SUGCT: variants seen among roughly 807,000 people sequenced by gnomAD.
The protein encoded by SUGCT is succinyl-CoA:glutarate-CoA transferase, also known as succinyl-CoA:glutarate CoA-transferase.
A neutral mutation model predicts 55.0 loss-of-function variants in SUGCT; 41 were observed. That is an observed-to-expected ratio of 0.74 (90% confidence interval 0.58 to 0.97). The LOEUF is 0.97. SUGCT is among the 50% of genes least tolerant of loss of function. The pLI is 0.00. For missense variants in SUGCT, 568 were observed against 547.8 expected (o/e 1.04, Z -0.37); for synonymous variants, 187 against 200.4 (o/e 0.93, Z 0.56).
Position 40,237,582 on chromosome 7 carries a change from T to G in SUGCT, c.485-53T>G, listed in dbSNP as rs867177095. The G allele has an allele frequency of 2.3e-5, 31 of 1,320,004 alleles. No homozygotes were observed. In the Middle Eastern group the frequency reaches 7.2e-4, roughly 31 times the overall value. 81.8% of individuals were successfully genotyped at this position (1,320,004 alleles called of 1,614,324 possible). A position where few individuals can be genotyped will look rare whatever the true frequency, so the allele number is the denominator to read the frequency against. ...GTTTCTAACACACTATATTGTACAG[T>G]GGTTTTAGCACACCCTGTGTGGTGC... On this transcript the variant is annotated intron_variant, in intron 6 of 13. Coordinates refer to ENST00000335693, the MANE Select transcript of SUGCT (RefSeq NM_001193313.2).
intron 9 of SUGCT, among the ~76,000 whole-genome samples, chr7:40,431,699 G>A (rs977825352): frequency 1.5e-4 from 23 of 152,002 alleles, no homozygotes; most frequent in African/African-American, 5.1e-4. Context: ...TCATGTTATT[G>A]TAAATGGTGT....
At chr7:40,934,537 T>C in the SUGCT span, among the ~76,000 whole-genome samples, 2 of 152,242 alleles carry the variant, frequency 1.3e-5, no homozygotes, top group Admixed American at 1.3e-4. Flanking sequence ...AGCTATGCCC[T>C]GCTCACAGAG....
chr7:40,974,062 A>G, the SUGCT span, among the ~76,000 whole-genome samples: 1 of 152,238 alleles, frequency 6.6e-6, no homozygotes, highest in Non-Finnish European at 1.5e-5. Flanking sequence ...AATTCTGGCT[A>G]CTGCATTCTC....
chr7:40,211,943 G>T (rs1787362465), intron 6 of SUGCT, among the ~76,000 whole-genome samples: 1 of 151,978 alleles, frequency 6.6e-6, no homozygotes, highest in Non-Finnish European at 1.5e-5. Flanking sequence ...TATCCTCAGG[G>T]CCTAGATTTT....
chr7:40,574,161 T>G (rs1187327546), intron 12 of SUGCT, among the ~76,000 whole-genome samples: 1 of 152,124 alleles, frequency 6.6e-6, no homozygotes, highest in African/African-American at 2.4e-5. Flanking sequence ...CCCTGGATAC[T>G]CACCTCCCCT....
At chr7:40,953,856 G>T in the SUGCT span, among the ~76,000 whole-genome samples, 1 of 152,246 alleles carries the variant, frequency 6.6e-6, no homozygotes, top group African/African-American at 2.4e-5. Flanking sequence ...GTATCAGTCT[G>T]CCCCTATTGG....
intron 12 of SUGCT, among the ~76,000 whole-genome samples, chr7:40,710,834 G>C (rs1390395583): frequency 1.3e-5 from 2 of 152,028 alleles, no homozygotes; most frequent in African/African-American, 2.4e-5. Context: ...ATTACCTTGA[G>C]GAGTTTTTAT....
intron 9 of SUGCT, among the ~76,000 whole-genome samples, chr7:40,397,450 T>C (rs899474835): frequency 1.3e-5 from 2 of 152,178 alleles, no homozygotes. Flanking sequence ...TTTTAGTTAT[T>C]TGTGACTTCG....
the SUGCT span, among the ~76,000 whole-genome samples, chr7:40,991,868 G>A: frequency 3.9e-5 from 6 of 152,084 alleles, no homozygotes; most frequent in African/African-American, 1.4e-4. Context: ...GAAGATGGAA[G>A]CTGAGTTTTC....
chr7:40,750,588 TG>T (rs1289438232), intron 13 of SUGCT, among the ~76,000 whole-genome samples: 1 of 152,198 alleles, frequency 6.6e-6, no homozygotes, highest in Non-Finnish European at 1.5e-5. Context: ...ATCTAAGATT[TG>T]GGATCAGCTT....
At chr7:40,976,166 A>C in the SUGCT span, among the ~76,000 whole-genome samples, 3 of 152,292 alleles carry the variant, frequency 2.0e-5, no homozygotes, top group Non-Finnish European at 4.4e-5. Context: ...GGGAGCCATG[A>C]GGTGGGTCTA....
intron 9 of SUGCT, among the ~76,000 whole-genome samples, chr7:40,403,375 A>G (rs1399779773): frequency 1.3e-5 from 2 of 152,186 alleles, no homozygotes; most frequent in East Asian, 3.9e-4. Context: ...TATTTTATCC[A>G]AAACACATTT....
At chr7:40,927,039 T>A in the SUGCT span, among the ~76,000 whole-genome samples, 1 of 152,142 alleles carries the variant, frequency 6.6e-6, no homozygotes, top group Non-Finnish European at 1.5e-5. Context: ...GTTCAAAATC[T>A]CAATATGGGA....
rs1289517812 is a variant in SUGCT at position 40,802,608 on chromosome 7, C to G, written c.1153+53111C>G. Among the ~76,000 whole-genome samples, 15 of 152,258 alleles carry G rather than the reference C, an allele frequency of 9.9e-5. No homozygotes were observed. The East Asian group carries it at 2.9e-3, about 29-fold the overall frequency. On this transcript the variant is annotated intron_variant, in intron 13 of 13. Coordinates refer to ENST00000335693, the MANE Select transcript of SUGCT (RefSeq NM_001193313.2). ...AGTAGTGAGCGGTAGAACTGAAACC[C>G]AATGGAGATGGAAGAGGACAACCCA... is the stretch of plus-strand genomic sequence containing the variant.
Position 40,188,451 on chromosome 7 carries a change from A to AC in SUGCT, c.227-44_227-43insC, listed in dbSNP as rs773160108. 69 of 1,350,424 alleles carry AC rather than the reference A, an allele frequency of 5.1e-5. No homozygotes were observed. In the South Asian group the frequency reaches 6.6e-4, roughly 13 times the overall value. 83.7% of individuals were successfully genotyped at this position (1,350,424 alleles called of 1,614,324 possible). A position where few individuals can be genotyped will look rare whatever the true frequency, so the allele number is the denominator to read the frequency against. On this transcript the variant is annotated intron_variant, in intron 3 of 13. Transcript: ENST00000335693. ...TCCATCTCCAAAAAAAAAAAAAAAA[A>AC]AAAACAAACCCCAAAGATTAATAGC... is the stretch of plus-strand genomic sequence containing the variant.
At chr7:40,978,063 T>C in the SUGCT span, among the ~76,000 whole-genome samples, 1 of 152,174 alleles carries the variant, frequency 6.6e-6, no homozygotes, top group Admixed American at 6.5e-5. Context: ...CTGCAGTGTC[T>C]TTGTGTGAAT....
chr7:41,025,400 C>T, the SUGCT span, among the ~76,000 whole-genome samples: 18 of 149,890 alleles, frequency 1.2e-4, no homozygotes, highest in East Asian at 5.9e-4. Flanking sequence ...GACGTAGTTT[C>T]GCTCTGTCAC....
chr7:40,428,879 G>A (rs969764448), intron 9 of SUGCT, among the ~76,000 whole-genome samples: 1 of 151,986 alleles, frequency 6.6e-6, no homozygotes, highest in Non-Finnish European at 1.5e-5. Flanking sequence ...CTTTTACCTT[G>A]GTGGACTCCA....
intron 9 of SUGCT, among the ~76,000 whole-genome samples, chr7:40,385,210 G>T (rs1785057869): frequency 6.6e-6 from 1 of 152,138 alleles, no homozygotes; most frequent in Admixed American, 6.6e-5. Flanking sequence ...CATGTGAGGG[G>T]TGAAGAGAAA....
Sources: allele counts gnomAD v4.1 joint callset (sites outside exome capture counted in the v4.1 genomes callset), GRCh38; gene constraint gnomAD v4.1.1; transcripts MANE v1.5; gene names NCBI Gene and HGNC (gene_info 2026-07-23, HGNC 2026-07-21).